ACYP2: variants seen among roughly 807,000 people sequenced by gnomAD.
ACYP2 encodes the protein acylphosphatase 2, also known as acylphosphatase-2.
ACYP2 carries 12 observed loss-of-function variants against 11.2 expected under a neutral mutation model. The ratio of observed to expected loss-of-function variants is 1.08; its 90% CI spans 0.69 to 1.74. The LOEUF (loss-of-function observed/expected upper bound fraction) is 1.74. ACYP2 is among the 40% of genes most tolerant of loss of function. The pLI is 0.00. For synonymous variants in ACYP2, 43 were observed against 32.2 expected (o/e 1.33, Z -1.13); for missense variants, 134 against 101.9 (o/e 1.31, Z -1.35).
chr2:54,258,219 G>A (rs1687640260), intron 6 of ACYP2, among the ~76,000 whole-genome samples: 1 of 151,446 alleles, frequency 6.6e-6, no homozygotes, highest in Admixed American at 6.6e-5. Context: ...TGAAAGTCCT[G>A]GGGGTAGGGA....
chr2:54,281,445 C>T (rs2104116876), intron 6 of ACYP2, among the ~76,000 whole-genome samples: 1 of 152,236 alleles, frequency 6.6e-6, no homozygotes, highest in South Asian at 2.1e-4. Flanking sequence ...AAGTTACTAG[C>T]CTACATGATG....
At chr2:54,023,056 C>G (rs183088255) in intron 2 of ACYP2, among the ~76,000 whole-genome samples, 214 of 152,230 alleles carry the variant, frequency 1.4e-3, no homozygotes, top group Non-Finnish European at 2.2e-3. Context: ...GTTAATCTGT[C>G]TTTTGTTTTT....
intron 2 of ACYP2, among the ~76,000 whole-genome samples, chr2:53,990,760 G>C (rs1408737561): frequency 6.6e-6 from 1 of 151,664 alleles, no homozygotes; most frequent in Non-Finnish European, 1.5e-5. Flanking sequence ...GATTCAGTAG[G>C]TCTGCAGATG....
intron 4 of ACYP2, among the ~76,000 whole-genome samples, chr2:54,104,555 C>T (rs1026354521): frequency 1.3e-5 from 2 of 152,180 alleles, no homozygotes; most frequent in African/African-American, 4.8e-5. Flanking sequence ...ATACAGAACT[C>T]TGGAGCCTGA....
chr2:53,974,217 T>C (rs1419126944), intron 2 of ACYP2, among the ~76,000 whole-genome samples: 1 of 151,986 alleles, frequency 6.6e-6, no homozygotes, highest in Non-Finnish European at 1.5e-5. Flanking sequence ...CCCGGCCATA[T>C]TTAGATATAT....
At chr2:54,034,091 TAAAAG>T (rs1490965183) in intron 2 of ACYP2, among the ~76,000 whole-genome samples, 4 of 152,136 alleles carry the variant, frequency 2.6e-5, no homozygotes, top group African/African-American at 9.6e-5. Context: ...AAGCCCAAAA[TAAAAG>T]AAAAGACTCC....
chr2:54,088,592 C>T (rs944804543), intron 4 of ACYP2, among the ~76,000 whole-genome samples: 1 of 152,182 alleles, frequency 6.6e-6, no homozygotes, highest in Non-Finnish European at 1.5e-5. Context: ...CCCTTTCTCA[C>T]GGCAGGCTTC....
intron 6 of ACYP2, among the ~76,000 whole-genome samples, chr2:54,159,973 C>T (rs1682636529): frequency 1.3e-5 from 2 of 152,206 alleles, no homozygotes; most frequent in South Asian, 4.1e-4. Context: ...TAGCCCCTCA[C>T]TGTGTGCTCT....
At chr2:54,160,144 G>A (rs72800779) in intron 6 of ACYP2, among the ~76,000 whole-genome samples, 23,575 of 152,184 alleles carry the variant, frequency 0.15, 2,037 homozygotes, top group East Asian at 0.27. Context: ...GGGGACTGGA[G>A]GTCAGTAGCC....
intron 6 of ACYP2, among the ~76,000 whole-genome samples, chr2:54,275,027 T>C (rs1688486429): frequency 6.6e-6 from 1 of 152,218 alleles, no homozygotes; most frequent in Non-Finnish European, 1.5e-5. Flanking sequence ...TGTTTCAGGC[T>C]TCTGAATATT....
chr2:54,173,485 T>G (rs1220523875), intron 6 of ACYP2, among the ~76,000 whole-genome samples: 1 of 152,236 alleles, frequency 6.6e-6, no homozygotes, highest in Non-Finnish European at 1.5e-5. Context: ...TCTCCCGTTC[T>G]GTAGGTTGCC....
intron 3 of ACYP2, chr2:54,051,503 G>T: frequency 1.4e-6 from 1 of 706,498 alleles, no homozygotes. Context: ...ACTCCTTTGG[G>T]CTTTTTTTCT....
At chr2:54,188,115 C>G (rs1684087634) in intron 6 of ACYP2, among the ~76,000 whole-genome samples, 1 of 152,112 alleles carries the variant, frequency 6.6e-6, no homozygotes. Context: ...ATTATCCAAT[C>G]TCAGGTATTC....
chr2:54,060,346 T>C (rs149948172), intron 4 of ACYP2, among the ~76,000 whole-genome samples: 6 of 152,228 alleles, frequency 3.9e-5, no homozygotes, highest in South Asian at 2.1e-4. Flanking sequence ...TTTTGTTTCA[T>C]GGCCATATTT....
chr2:54,036,573 G>T (rs1674916318), intron 2 of ACYP2, among the ~76,000 whole-genome samples: 1 of 152,144 alleles, frequency 6.6e-6, no homozygotes, highest in Non-Finnish European at 1.5e-5. Flanking sequence ...CTGTCTGCAG[G>T]GAGAAAATGC....
At chr2:54,124,455 CA>C (rs927625219) in intron 4 of ACYP2, among the ~76,000 whole-genome samples, 5 of 152,142 alleles carry the variant, frequency 3.3e-5, no homozygotes, top group African/African-American at 1.2e-4. Flanking sequence ...CTCGGCCTCC[CA>C]AAGTGCTGGG....
intron 2 of ACYP2, among the ~76,000 whole-genome samples, chr2:53,997,430 T>G (rs1672623662): frequency 6.6e-6 from 1 of 152,120 alleles, no homozygotes; most frequent in Admixed American, 6.6e-5. Context: ...CTCAGCCTAC[T>G]GAGTAGCTGG....
intron 6 of ACYP2, chr2:54,256,066 T>C: frequency 5.6e-6 from 9 of 1,614,092 alleles, no homozygotes; most frequent in Non-Finnish European, 7.6e-6. Flanking sequence ...CGCCTTGCTC[T>C]TTTCTCGGGA....
At chr2:54,268,226 A>G (rs1688125058) in intron 6 of ACYP2, among the ~76,000 whole-genome samples, 1 of 152,186 alleles carries the variant, frequency 6.6e-6, no homozygotes, top group South Asian at 2.1e-4. Flanking sequence ...ATAGTTCTAT[A>G]TTTTGGTTTT....
Sources: gnomAD v4.1 joint callset for allele counts (sites outside exome capture counted in the v4.1 genomes callset) on GRCh38, gnomAD v4.1.1 for gene constraint, MANE v1.5 for transcripts, NCBI Gene and HGNC (gene_info 2026-07-23, HGNC 2026-07-21) for gene names.